ENTPD4: variants seen among roughly 807,000 people sequenced by gnomAD.
The protein encoded by ENTPD4 is ectonucleoside triphosphate diphosphohydrolase 4.
ENTPD4 carries 60 observed loss-of-function variants against 79.1 expected under a neutral mutation model. The ratio of observed to expected loss-of-function variants is 0.76; its 90% CI spans 0.62 to 0.94. The LOEUF is 0.94. Ranked by LOEUF, ENTPD4 falls within the 40% of genes least tolerant of loss-of-function variation. The pLI is 0.00. For missense variants in ENTPD4, 772 were observed against 775.1 expected (o/e 1.00, Z 0.05); for synonymous variants, 276 against 292.0 (o/e 0.95, Z 0.56).
At chr8:23,441,122 A>G (rs1800660857) in intron 8 of ENTPD4, among the ~76,000 whole-genome samples, 1 of 152,252 alleles carries the variant, frequency 6.6e-6, no homozygotes, top group Non-Finnish European at 1.5e-5. Context: ...GAACAGTTCG[A>G]GTAAACCACC....
rs1800444574 is a variant in ENTPD4, at chr8:23,430,980, GC to G, written c.*1945del. On this transcript the variant is annotated 3_prime_UTR_variant, in exon 13 of 13. Coordinates refer to ENST00000358689, the MANE Select transcript of ENTPD4 (RefSeq NM_004901.5). ...CGATGCAGGTAAATCCAGAGGCAGA[GC>G]CTGGGTCCCCAGGCTGCTGGTAACA... 1 of 985,322 alleles carries G rather than the reference GC, an allele frequency of 1.0e-6. No homozygotes were observed. Among genetic ancestry groups the G allele is most frequent in the Non-Finnish European group, 1.2e-6 (1 of 829,916 alleles). 61.0% of individuals were successfully genotyped at this position (985,322 alleles called of 1,614,324 possible).
intron 10 of ENTPD4, 56 bp from the exon 11 acceptor site, chr8:23,435,533 T>A (rs1800542259): frequency 7.5e-7 from 1 of 1,330,182 alleles, no homozygotes; most frequent in Non-Finnish European, 1.1e-6. Context: ...AAATTCTCAC[T>A]TTAAAAATGG....
intron 12 of ENTPD4, 27 bp downstream of exon 12, chr8:23,434,290 T>A (rs374513985): frequency 2.5e-6 from 4 of 1,606,564 alleles, no homozygotes; most frequent in Non-Finnish European, 3.4e-6. Flanking sequence ...ATCTTTTTGA[T>A]TCTCGTTCCC....
intron 6 of ENTPD4, among the ~76,000 whole-genome samples, chr8:23,443,291 T>A (rs369803207): frequency 6.6e-6 from 1 of 152,198 alleles, no homozygotes; most frequent in Non-Finnish European, 1.5e-5. Context: ...AGCAGCTGAA[T>A]AGCAATGTGT....
intron 10 of ENTPD4, 66 bp from the exon 11 acceptor site, chr8:23,435,543 G>A (rs544252736): frequency 2.3e-4 from 268 of 1,185,946 alleles, no homozygotes; most frequent in Middle Eastern, 7.9e-4. Context: ...TTTAAAAATG[G>A]TTTACCAAAT....
rs531058209 is a variant in ENTPD4, at chr8:23,431,628, G to A, written c.*1298C>T. 55 of 985,422 alleles carry A rather than the reference G, an allele frequency of 5.6e-5. No individual in the cohort carries two copies. The African/African-American group carries it at 9.1e-4, about 16-fold the overall frequency. 61.0% of individuals were successfully genotyped at this position (985,422 alleles called of 1,614,324 possible). ...CCTCAGTCAATGCGGTTAGGAAGAG[G>A]ACTCGGCAGGCTGTGCATGGGGTCT... On this transcript the variant is annotated 3_prime_UTR_variant, in exon 13 of 13. Transcript: ENST00000358689.
chr8:23,449,054 A>T (rs2117301665), intron 2 of ENTPD4, 115 bp from the exon 3 acceptor site: 1 of 766,246 alleles, frequency 1.3e-6, no homozygotes, highest in East Asian at 2.6e-5. Context: ...CCCTAACTGT[A>T]GGTATCTGTA....
At chr8:23,452,360 A>C (rs1253033010) in intron 1 of ENTPD4, among the ~76,000 whole-genome samples, 1 of 152,170 alleles carries the variant, frequency 6.6e-6, no homozygotes, top group African/African-American at 2.4e-5. Flanking sequence ...ACAAACAGGG[A>C]ATCATAACTC....
Position 23,429,415 on chromosome 8 carries a change from A to C in ENTPD4, c.*3511T>G. 2 of 985,136 alleles carry C rather than the reference A, an allele frequency of 2.0e-6. No homozygotes were observed. Among genetic ancestry groups the C allele is most frequent in the Non-Finnish European group, 2.4e-6 (2 of 829,634 alleles). 61.0% of individuals were successfully genotyped at this position (985,136 alleles called of 1,614,324 possible). A position where few individuals can be genotyped will look rare whatever the true frequency, so the allele number is the denominator to read the frequency against. On this transcript the variant is annotated 3_prime_UTR_variant, in exon 13 of 13. Transcript: ENST00000358689. ...GTTGGTCACATCATTCATTATTGAA[A>C]GGGAAACTTAGTATCAAAAGAAACA...
chr8:23,449,761 G>A (rs889039875), intron 2 of ENTPD4, 132 bp downstream of exon 2: 2 of 788,338 alleles, frequency 2.5e-6, no homozygotes, highest in South Asian at 1.4e-5. Flanking sequence ...GGCCCTGGAA[G>A]AAAAAAGGTC....
At position 23,431,696 on chromosome 8, in the gene ENTPD4, G is replaced by T. The variant is rs984875765; in HGVS notation, c.*1230C>A. On this transcript the variant is annotated 3_prime_UTR_variant, in exon 13 of 13. Coordinates refer to ENST00000358689, the MANE Select transcript of ENTPD4 (RefSeq NM_004901.5). ...CTGAGATGACTTTTAATTAAGGGGGGTGGGGGAAACACCAATTGGAAGCTG... is the reference window on the plus strand; with the variant it reads ...CTGAGATGACTTTTAATTAAGGGGGTTGGGGGAAACACCAATTGGAAGCTG... The T allele has an allele frequency of 4.1e-6, 4 of 985,436 alleles. No individual in the cohort carries two copies. The highest frequency in any genetic ancestry group is 1.7e-5 in the African/African-American group (1 of 57,232). The allele number at this position is 985,436 out of a possible 1,614,324, so 61.0% of individuals were successfully genotyped here.
rs561132103 is a variant in ENTPD4 at position 23,430,943 on chromosome 8, G to A, written c.*1983C>T. On this transcript the variant is annotated 3_prime_UTR_variant, in exon 13 of 13. Transcript: ENST00000358689. The stretch of plus-strand genomic sequence containing the variant: ...CCCCTTTCTTAACAACTTTGACCAC[G>A]AAGCGCAAATACGATGCAGGTAAAT... 1.3e-5 allele frequency: 13 copies of A among 985,424 alleles called. No homozygotes were observed. Among genetic ancestry groups the A allele is most frequent in the Admixed American group, 6.1e-5 (1 of 16,268 alleles). The allele number at this position is 985,424 out of a possible 1,614,324, so 61.0% of individuals were successfully genotyped here.
chr8:23,443,120 C>T (rs1800702641), intron 6 of ENTPD4, among the ~76,000 whole-genome samples: 1 of 152,088 alleles, frequency 6.6e-6, no homozygotes, highest in Non-Finnish European at 1.5e-5. Flanking sequence ...ACTATCCCTT[C>T]CCTTGAGGTG....
Position 23,432,450 on chromosome 8 carries a change from T to C in ENTPD4, c.*476A>G. The stretch of plus-strand genomic sequence containing the variant: ...TTCCCCACTCCTCAATTTAATGCTG[T>C]ACTCAAAATGGCTAAACGCAATACT... On this transcript the variant is annotated 3_prime_UTR_variant, in exon 13 of 13. Coordinates refer to ENST00000358689, the MANE Select transcript of ENTPD4 (RefSeq NM_004901.5). 3.0e-6 allele frequency: 3 copies of C among 986,448 alleles called. No homozygotes were observed. Among genetic ancestry groups the C allele is most frequent in the Non-Finnish European group, 3.6e-6 (3 of 830,778 alleles). The allele number at this position is 986,448 out of a possible 1,614,324, so 61.1% of individuals were successfully genotyped here.
chr8:23,432,998 G>GGGA lies in ENTPD4; in HGVS notation c.1776_1778dup (p.Pro593dup), dbSNP rs1800485613. 1 of 1,613,812 alleles carries GGGA rather than the reference G, an allele frequency of 6.2e-7. No individual in the cohort carries two copies. Among genetic ancestry groups the GGGA allele is most frequent in the Non-Finnish European group, 8.5e-7 (1 of 1,179,918 alleles). ...AGAGGGCGGCGGCCGAGCTGCTCCG[G>GGGA]GGAGTGCGCCTGTGGATGCGCCGCA... is the stretch of plus-strand genomic sequence containing the variant. On this transcript the variant is annotated inframe_insertion, in exon 13 of 13. Coordinates refer to ENST00000358689, the MANE Select transcript of ENTPD4 (RefSeq NM_004901.5).
chr8:23,442,125 C>A, intron 6 of ENTPD4, 59 bp from the exon 7 acceptor site: 1 of 1,225,284 alleles, frequency 8.2e-7, no homozygotes, highest in South Asian at 1.2e-5. Context: ...TGTGTAACTC[C>A]TATCTGCGCA....
Position 23,431,812 on chromosome 8 carries a change from T to A in ENTPD4, c.*1114A>T, listed in dbSNP as rs1800458993. 1 of 985,288 alleles carries A rather than the reference T, an allele frequency of 1.0e-6. No homozygotes were observed. Among genetic ancestry groups the A allele is most frequent in the African/African-American group, 1.7e-5 (1 of 57,232 alleles). The allele number at this position is 985,288 out of a possible 1,614,324, so 61.0% of individuals were successfully genotyped here. On this transcript the variant is annotated 3_prime_UTR_variant, in exon 13 of 13. Coordinates refer to ENST00000358689, the MANE Select transcript of ENTPD4 (RefSeq NM_004901.5). Reference sequence around the variant, plus strand: ...CTAGTTCCAATAAAACCGAAACTGGTGAAACTAGGAATTTCCAATTCTTTC... The same window carrying A: ...CTAGTTCCAATAAAACCGAAACTGGAGAAACTAGGAATTTCCAATTCTTTC...
Position 23,457,621 on chromosome 8 carries a change from G to C in ENTPD4, c.-162C>G, listed in dbSNP as rs1415412896. On this transcript the variant is annotated 5_prime_UTR_variant, in exon 1 of 13. Transcript: ENST00000358689. ...CAGTGGGCAGCATCACGGCCAGCCG[G>C]CTTCCTGGAGGCCGCGCTCCTTTCC... 6.6e-6 allele frequency: 1 copy of C among 151,830 alleles called. No homozygotes were observed. The highest frequency in any genetic ancestry group is 2.4e-5 in the African/African-American group (1 of 41,400). 9.4% of individuals were successfully genotyped at this position (151,830 alleles called of 1,614,324 possible).
At chr8:23,435,935 A>G (rs563003420) in intron 10 of ENTPD4, among the ~76,000 whole-genome samples, 51 of 152,322 alleles carry the variant, frequency 3.3e-4, no homozygotes, top group Non-Finnish European at 5.7e-4. Context: ...TATTTGTTAT[A>G]ATAACTTTTA....
Sources: allele counts gnomAD v4.1 joint callset (sites outside exome capture counted in the v4.1 genomes callset), GRCh38; gene constraint gnomAD v4.1.1; transcripts MANE v1.5; gene names NCBI Gene and HGNC (gene_info 2026-07-23, HGNC 2026-07-21).